The following INTS6 variants were observed in gnomAD, a reference collection of about 807,000 sequenced individuals.
INTS6 encodes DEAD box protein.
INTS6 carries 16 observed loss-of-function variants against 104.9 expected under a neutral mutation model. The ratio of observed to expected loss-of-function variants is 0.15; its 90% CI spans 0.10 to 0.23. The LOEUF (loss-of-function observed/expected upper bound fraction) is 0.23, where lower values mean the gene tolerates loss of function less well. Ranked by LOEUF, INTS6 falls within the 10% of genes least tolerant of loss-of-function variation. The pLI is 1.00. For missense variants in INTS6, 584 were observed against 1,062.8 expected (o/e 0.55, Z 6.26); for synonymous variants, 324 against 358.7 (o/e 0.90, Z 1.09).
chr13:51,408,760 T>C (rs1394051456), intron 4 of INTS6, among the ~76,000 whole-genome samples: 1 of 152,232 alleles, frequency 6.6e-6, no homozygotes, highest in Non-Finnish European at 1.5e-5. Context: ...AAGAGACTGA[T>C]AATTCATCAT....
chr13:51,371,848 T>C (rs2137874904), intron 15 of INTS6, among the ~76,000 whole-genome samples: 1 of 152,182 alleles, frequency 6.6e-6, no homozygotes, highest in East Asian at 1.9e-4. Flanking sequence ...TTCCTTTACC[T>C]TCCTCTAACT....
At chr13:51,407,933 C>T (rs1251545249) in intron 4 of INTS6, among the ~76,000 whole-genome samples, 1 of 150,344 alleles carries the variant, frequency 6.7e-6, no homozygotes, top group African/African-American at 2.4e-5. Flanking sequence ...TGGAGAATCG[C>T]TTGAACCCAA....
chr13:51,429,785 A>AAAAAAAAAAAAAATATATATATAT (rs1156333077), intron 4 of INTS6, among the ~76,000 whole-genome samples: 2 of 92,358 alleles, frequency 2.2e-5, no homozygotes, highest in Non-Finnish European at 2.0e-5. Context: ...AAAAAAAAAA[A>AAAAAAAAAAAAAATATATATATAT]ATATATATAT....
chr13:51,380,705 T>C (rs1264655029), intron 10 of INTS6, among the ~76,000 whole-genome samples: 2 of 152,204 alleles, frequency 1.3e-5, no homozygotes, highest in South Asian at 2.1e-4. Flanking sequence ...CAAAACAGAA[T>C]ACATAAGTGA....
At chr13:51,408,683 AAAG>A (rs1346886046) in intron 4 of INTS6, among the ~76,000 whole-genome samples, 1 of 152,168 alleles carries the variant, frequency 6.6e-6, no homozygotes, top group African/African-American at 2.4e-5. Flanking sequence ...TTGATAACTC[AAAG>A]AAGTAGGAAA....
At chr13:51,405,095 G>A (rs1384748930) in intron 4 of INTS6, among the ~76,000 whole-genome samples, 1 of 152,166 alleles carries the variant, frequency 6.6e-6, no homozygotes, top group Non-Finnish European at 1.5e-5. Context: ...AGAATAATAA[G>A]TTTACTGAGA....
intron 3 of INTS6, among the ~76,000 whole-genome samples, chr13:51,356,266 T>G (rs1955480278): frequency 6.6e-6 from 1 of 152,106 alleles, no homozygotes; most frequent in Non-Finnish European, 1.5e-5. Flanking sequence ...ACTGTTGACT[T>G]GGTCAAATGA....
downstream of INTS6, among the ~76,000 whole-genome samples, chr13:51,351,579 G>A (rs1271573445): frequency 6.6e-6 from 1 of 152,100 alleles, no homozygotes; most frequent in East Asian, 1.9e-4. Context: ...TCATTCTGTG[G>A]TTTTTCTTTT....
At chr13:51,432,092 T>C (rs900911392) in intron 3 of INTS6, among the ~76,000 whole-genome samples, 12 of 152,148 alleles carry the variant, frequency 7.9e-5, no homozygotes, top group Non-Finnish European at 1.8e-4. Context: ...CAACTGCCAC[T>C]CATTCCTTAA....
At chr13:51,401,233 AC>A (rs1956432877) in intron 4 of INTS6, among the ~76,000 whole-genome samples, 1 of 151,986 alleles carries the variant, frequency 6.6e-6, no homozygotes, top group Non-Finnish European at 1.5e-5. Flanking sequence ...CTTCCTGAAA[AC>A]TATATATGCA....
Position 51,361,605 on chromosome 13 carries a change from G to A in INTS6, c.*4147C>T. 1.7e-6 allele frequency: 1 copy of A among 587,744 alleles called. No individual in the cohort carries two copies. Among genetic ancestry groups the A allele is most frequent in the Non-Finnish European group, 3.0e-6 (1 of 336,808 alleles). The allele number at this position is 587,744 out of a possible 1,614,324, so 36.4% of individuals were successfully genotyped here. ...CCTTCAATAAGGAATTTATTCCATG[G>A]AATGTGTTGAAAACAGGAGACAGGA... On this transcript the variant is annotated 3_prime_UTR_variant, in exon 18 of 18. Transcript: ENST00000311234.
At chr13:51,345,486 C>T in the INTS6 span, among the ~76,000 whole-genome samples, 3 of 146,626 alleles carry the variant, frequency 2.0e-5, no homozygotes, top group Non-Finnish European at 4.5e-5. Flanking sequence ...CCCAGCTACT[C>T]GGGGAGGCTG....
intron 10 of INTS6, 26 bp downstream of exon 10, chr13:51,382,003 C>G (rs753697807): frequency 6.5e-7 from 1 of 1,534,162 alleles, no homozygotes; most frequent in Non-Finnish European, 9.0e-7. Context: ...GCCCGGCCAA[C>G]AAGTTCTTTT....
At chr13:51,357,420 A>G (rs113368369), downstream of INTS6, among the ~76,000 whole-genome samples, 3,061 of 152,244 alleles carry the variant, frequency 0.02, 50 homozygotes, top group East Asian at 0.071. Flanking sequence ...ATCAGAAAAT[A>G]CTGGCCTCTC....
chr13:51,369,336 A>T, intron 15 of INTS6, 26 bp from the exon 16 acceptor site: 4 of 1,574,846 alleles, frequency 2.5e-6, no homozygotes, highest in Non-Finnish European at 3.4e-6. Flanking sequence ...CGGGGAAAAA[A>T]TTATGGGATC....
intron 4 of INTS6, among the ~76,000 whole-genome samples, chr13:51,426,621 C>T (rs1956989934): frequency 1.3e-5 from 2 of 152,126 alleles, no homozygotes; most frequent in South Asian, 4.1e-4. Flanking sequence ...TAGGTGATTT[C>T]CCCCATAACA....
At chr13:51,374,116 TC>T (rs906448766) in intron 15 of INTS6, 91 bp downstream of exon 15, 11 of 987,180 alleles carry the variant, frequency 1.1e-5, no homozygotes, top group South Asian at 9.1e-5. Flanking sequence ...GTACTACTAA[TC>T]AATTTCCTTC....
chr13:51,443,320 A>G (rs1952831433), intron 3 of INTS6: 3 of 152,200 alleles, frequency 2.0e-5, no homozygotes, highest in Admixed American at 2.0e-4. Context: ...AGAAAGTTTA[A>G]TGAAAACTTG....
chr13:51,348,290 C>G, the INTS6 span: 1 of 1,612,046 alleles, frequency 6.2e-7, no homozygotes, highest in Non-Finnish European at 8.5e-7. Flanking sequence ...GAGTCTGTTC[C>G]TGGTGCTGCC....
Sources: allele counts gnomAD v4.1 joint callset (sites outside exome capture counted in the v4.1 genomes callset), GRCh38; gene constraint gnomAD v4.1.1; transcripts MANE v1.5; gene names NCBI Gene and HGNC (gene_info 2026-07-23, HGNC 2026-07-21).